Variants in RASGEF1A observed in about 807,000 individuals in gnomAD.
RASGEF1A encodes RasGEF domain family member 1A.
Under a neutral mutation model 56.4 loss-of-function variants are expected in RASGEF1A, and 18 were observed. The ratio of observed to expected loss-of-function variants is 0.32; its 90% CI spans 0.22 to 0.47. The LOEUF (loss-of-function observed/expected upper bound fraction) is 0.47, where lower values mean the gene tolerates loss of function less well. Ranked by LOEUF, RASGEF1A falls within the 20% of genes least tolerant of loss-of-function variation. The pLI is 1.00. For synonymous variants in RASGEF1A, 245 were observed against 242.6 expected, an observed-to-expected ratio of 1.01 and a Z score of -0.09; for missense variants, 422 against 627.1, an observed-to-expected ratio of 0.67 and a Z score of 3.49.
Position 43,259,940 on chromosome 10 carries a change from G to A in RASGEF1A, c.-7+6905C>T, listed in dbSNP as rs934098912. On this transcript the variant is annotated intron_variant, in intron 1 of 12. Transcript: ENST00000395810. ...CAGGGCGGGGACGGCAGGAAGGCTC[G>A]GAGAGATGAAGGGAGGCACCAGAGA... 1.1e-4 allele frequency among the ~76,000 whole-genome samples: 16 copies of A among 152,144 alleles called. No individual in the cohort carries two copies. In the East Asian group the frequency reaches 1.2e-3, roughly 11 times the overall value.
intron 1 of RASGEF1A, among the ~76,000 whole-genome samples, chr10:43,221,387 C>G (rs960388410): frequency 6.6e-6 from 1 of 152,208 alleles, no homozygotes; most frequent in African/African-American, 2.4e-5. Context: ...CAGACACAGC[C>G]GTCTCCATGC....
At chr10:43,198,359 G>C (rs1839834979) in intron 9 of RASGEF1A, among the ~76,000 whole-genome samples, 164 bp from the exon 10 acceptor site, 1 of 152,188 alleles carries the variant, frequency 6.6e-6, no homozygotes, top group South Asian at 2.1e-4. Flanking sequence ...GTGCCTGGCT[G>C]AGCCCTGGGG....
chr10:43,263,453 A>T (rs1836571283), intron 1 of RASGEF1A, among the ~76,000 whole-genome samples: 1 of 152,190 alleles, frequency 6.6e-6, no homozygotes, highest in Admixed American at 6.5e-5. Flanking sequence ...TTTTTAAAAA[A>T]GGAAAAGCAC....
intron 1 of RASGEF1A, among the ~76,000 whole-genome samples, chr10:43,213,314 A>T (rs978203051): frequency 4.6e-5 from 7 of 152,232 alleles, no homozygotes; most frequent in Admixed American, 2.0e-4. Context: ...TAACCCATGC[A>T]TGTAAAAAAT....
chr10:43,222,102 C>T (rs1051595025), intron 1 of RASGEF1A, among the ~76,000 whole-genome samples: 2 of 151,224 alleles, frequency 1.3e-5, no homozygotes, highest in Non-Finnish European at 2.9e-5. Context: ...CTATTGCTCC[C>T]GGGATCCCAA....
rs1319227702 is a variant in RASGEF1A, at chr10:43,266,793, C to T, written c.-7+52G>A. The T allele has an allele frequency of 2.7e-5, 4 of 145,986 alleles. No individual in the cohort carries two copies. The East Asian group carries it at 8.0e-4, about 29-fold the overall frequency. 9.0% of individuals were successfully genotyped at this position (145,986 alleles called of 1,614,324 possible). A position where few individuals can be genotyped will look rare whatever the true frequency, so the allele number is the denominator to read the frequency against. The stretch of plus-strand genomic sequence containing the variant: ...GCGCCGGCGACCGGAGGGCACGGCC[C>T]CAGGCGCGGGCGGGGGCCCCGAGGC... On this transcript the variant is annotated intron_variant, in intron 1 of 12. Coordinates refer to ENST00000395810, the MANE Select transcript of RASGEF1A (RefSeq NM_145313.4).
At chr10:43,219,769 G>A (rs945489532) in intron 1 of RASGEF1A, among the ~76,000 whole-genome samples, 1 of 152,244 alleles carries the variant, frequency 6.6e-6, no homozygotes, top group Non-Finnish European at 1.5e-5. Context: ...AGCCACCTAG[G>A]GTGCTGGGAT....
chr10:43,239,961 T>C (rs1311456961), intron 1 of RASGEF1A, among the ~76,000 whole-genome samples: 1 of 152,208 alleles, frequency 6.6e-6, no homozygotes, highest in Non-Finnish European at 1.5e-5. Flanking sequence ...CATAGGGGTT[T>C]TGAAAAACTG....
intron 1 of RASGEF1A, among the ~76,000 whole-genome samples, chr10:43,222,428 G>A (rs2133203342): frequency 2.0e-5 from 3 of 152,298 alleles, no homozygotes; most frequent in Admixed American, 2.0e-4. Flanking sequence ...AGGGACAAGA[G>A]AGAGGCTGAA....
intron 1 of RASGEF1A, chr10:43,208,981 C>T: frequency 3.0e-6 from 3 of 985,486 alleles, no homozygotes; most frequent in Non-Finnish European, 3.6e-6. Context: ...ACTGCGGGGT[C>T]CCCTGCCGGC....
At position 43,249,290 on chromosome 10, in the gene RASGEF1A, CACGTCTG is replaced by C. The variant is rs1474359454; in HGVS notation, c.-7+17548_-7+17554del. ...ACCTGCTGCTGTGCTACCCACTTCC[CACGTCTG>C]ACCATCTGTATGTCCATCCTCCCTG... On this transcript the variant is annotated intron_variant, in intron 1 of 12. Coordinates refer to ENST00000395810, the MANE Select transcript of RASGEF1A (RefSeq NM_145313.4). 2.6e-5 allele frequency among the ~76,000 whole-genome samples: 4 copies of C among 152,334 alleles called. No individual in the cohort carries two copies. In the East Asian group the frequency reaches 7.7e-4, roughly 29 times the overall value.
intron 1 of RASGEF1A, among the ~76,000 whole-genome samples, chr10:43,259,917 G>T (rs1163453122): frequency 1.3e-5 from 2 of 152,128 alleles, no homozygotes; most frequent in South Asian, 2.1e-4. Context: ...CGGAGGGGCA[G>T]GGCGGGGACG....
In RASGEF1A at chr10:43,253,684, C is replaced by T. The variant is rs563648276; in HGVS notation, c.-7+13161G>A. Among the ~76,000 whole-genome samples, 27 of 152,290 alleles carry T rather than the reference C, an allele frequency of 1.8e-4. No individual in the cohort carries two copies. In the East Asian group the frequency reaches 4.1e-3, roughly 23 times the overall value. On this transcript the variant is annotated intron_variant, in intron 1 of 12. Transcript: ENST00000395810. The stretch of plus-strand genomic sequence containing the variant: ...TCAGGGGCCAACATCCCACAGGGGA[C>T]GGGGACCTCAAGGAATGAGATTCTA...
intron 1 of RASGEF1A, among the ~76,000 whole-genome samples, chr10:43,231,435 C>T (rs1417309937): frequency 6.6e-6 from 1 of 152,226 alleles, no homozygotes; most frequent in Non-Finnish European, 1.5e-5. Context: ...GAGCAGTTGG[C>T]CCTGCTGCCT....
At chr10:43,212,615 T>TG (rs1032889778) in intron 1 of RASGEF1A, among the ~76,000 whole-genome samples, 1 of 152,188 alleles carries the variant, frequency 6.6e-6, no homozygotes, top group Non-Finnish European at 1.5e-5. Context: ...GGGAGACACA[T>TG]GGAGTGTGGC....
intron 1 of RASGEF1A, among the ~76,000 whole-genome samples, chr10:43,265,410 T>A (rs924761056): frequency 1.3e-5 from 2 of 152,190 alleles, no homozygotes; most frequent in Non-Finnish European, 2.9e-5. Context: ...ACACAGCTCA[T>A]GCCCTTCTCA....
At chr10:43,243,169 G>A (rs141579695) in intron 1 of RASGEF1A, among the ~76,000 whole-genome samples, 6,934 of 145,992 alleles carry the variant, frequency 0.047, 179 homozygotes, top group South Asian at 0.088. Context: ...AGTGAGGAGC[G>A]CCTCTGCCTG....
intron 7 of RASGEF1A, 36 bp from the exon 8 acceptor site, chr10:43,199,230 C>T (rs368144575): frequency 2.0e-5 from 30 of 1,529,164 alleles, no homozygotes; most frequent in African/African-American, 1.9e-4. Flanking sequence ...ATGGCGCTGC[C>T]GGGGGACAGC....
chr10:43,229,824 G>T, intron 1 of RASGEF1A: 1 of 1,058,106 alleles, frequency 9.5e-7, no homozygotes, highest in Non-Finnish European at 1.2e-6. Context: ...CTGGGCTGGG[G>T]ACCGCGGGGT....
Sources: allele counts gnomAD v4.1 joint callset (sites outside exome capture counted in the v4.1 genomes callset), GRCh38; gene constraint gnomAD v4.1.1; transcripts MANE v1.5; gene names NCBI Gene and HGNC (gene_info 2026-07-23, HGNC 2026-07-21).